Variants in LRP6 observed in about 807,000 individuals in gnomAD.
The protein encoded by LRP6 is low-density lipoprotein receptor-related protein 6.
LRP6 carries 43 observed loss-of-function variants against 184.1 expected under a neutral mutation model. The ratio of observed to expected loss-of-function variants is 0.23; its 90% CI spans 0.18 to 0.30. The LOEUF (loss-of-function observed/expected upper bound fraction) is 0.30. Ranked by LOEUF, LRP6 falls within the 10% of genes least tolerant of loss-of-function variation. The pLI, the probability that LRP6 is intolerant of heterozygous loss-of-function variation, is 1.00. For synonymous variants in LRP6, 719 were observed against 684.9 expected, an observed-to-expected ratio of 1.05 and a Z score of -0.78; for missense variants, 1,571 against 2,005.3, an observed-to-expected ratio of 0.78 and a Z score of 4.14.
chr12:12,197,487 A>C (rs532981048), intron 3 of LRP6, among the ~76,000 whole-genome samples: 29 of 152,348 alleles, frequency 1.9e-4, no homozygotes, highest in African/African-American at 7.0e-4. Flanking sequence ...GTCAGGAAAC[A>C]AACAAACACA....
intron 8 of LRP6, 81 bp downstream of exon 8, chr12:12,164,998 A>G (rs1412443731): frequency 9.5e-6 from 11 of 1,157,652 alleles, no homozygotes; most frequent in Non-Finnish European, 1.3e-5. Flanking sequence ...GCCTCAAAAC[A>G]TCAATAATTT....
intron 2 of LRP6, among the ~76,000 whole-genome samples, chr12:12,242,189 C>A (rs1458342568): frequency 6.6e-6 from 1 of 152,128 alleles, no homozygotes; most frequent in African/African-American, 2.4e-5. Context: ...TGTGCCCCTT[C>A]TAATTATTTT....
At position 12,165,263 on chromosome 12, in the gene LRP6, T is replaced by C. The variant is rs772884025; in HGVS notation, c.1578A>G (p.Val526=). Residue 526 remains valine (V), a synonymous_variant, in exon 8 of 23, where the codon GTA becomes GTG. Coordinates refer to ENST00000261349, the MANE Select transcript of LRP6 (RefSeq NM_002336.3). ...TGTGAGGAATTTTGTCTTCCACTAG[T>C]ACTCGTCTCCCAGTGCCATCAGTAT... is the stretch of plus-strand genomic sequence containing the variant. The part of the protein sequence containing the change: ...VMNTDGTGRR[V]LVEDKIPHIF... The C allele has an allele frequency of 6.2e-7, 1 of 1,613,874 alleles. No individual in the cohort carries two copies. The highest frequency in any genetic ancestry group is 8.5e-7 in the Non-Finnish European group (1 of 1,179,768).
intron 12 of LRP6, among the ~76,000 whole-genome samples, chr12:12,151,931 A>G (rs1389103642): frequency 1.3e-5 from 2 of 152,166 alleles, no homozygotes; most frequent in African/African-American, 4.8e-5. Context: ...TGCAGATACT[A>G]TTTTGTTGTT....
At chr12:12,238,314 G>C (rs568881445) in intron 2 of LRP6, among the ~76,000 whole-genome samples, 18 of 150,692 alleles carry the variant, frequency 1.2e-4, no homozygotes, top group African/African-American at 4.4e-4. Flanking sequence ...AATTAGAAAG[G>C]AACACATATC....
intron 4 of LRP6, 164 bp downstream of exon 4, chr12:12,186,759 A>G (rs1863486221): frequency 1.4e-6 from 1 of 690,208 alleles, no homozygotes; most frequent in Admixed American, 2.1e-5. Flanking sequence ...CCCGAGTTCA[A>G]GTGATTCTCT....
intron 2 of LRP6, among the ~76,000 whole-genome samples, chr12:12,224,353 T>C (rs1864562068): frequency 6.6e-6 from 1 of 151,752 alleles, no homozygotes; most frequent in South Asian, 2.1e-4. Context: ...ACTTCCACAG[T>C]CATCTTCAAT....
chr12:12,230,104 T>C (rs1186222941), intron 2 of LRP6, among the ~76,000 whole-genome samples: 2 of 152,176 alleles, frequency 1.3e-5, no homozygotes, highest in Non-Finnish European at 2.9e-5. Flanking sequence ...AATTTTTAAA[T>C]GGAGTGAAAG....
intron 17 of LRP6, 120 bp from the exon 18 acceptor site, chr12:12,132,177 A>T: frequency 1.4e-6 from 1 of 725,876 alleles, no homozygotes; most frequent in Non-Finnish European, 2.5e-6. Flanking sequence ...CTTTATAATA[A>T]ATATGATTTA....
chr12:12,173,012 A>C (rs1038323565), intron 7 of LRP6, among the ~76,000 whole-genome samples: 5 of 152,222 alleles, frequency 3.3e-5, no homozygotes, highest in African/African-American at 1.2e-4. Context: ...GTAGTTTTAT[A>C]ATATTTTTTG....
At chr12:12,206,337 T>C (rs1035977775) in intron 2 of LRP6, among the ~76,000 whole-genome samples, 1 of 151,008 alleles carries the variant, frequency 6.6e-6, no homozygotes, top group Non-Finnish European at 1.5e-5. Context: ...GGTCAGGAGA[T>C]TGAGACCATC....
At position 12,125,533 on chromosome 12, in the gene LRP6, T is replaced by C. The variant is rs12424332; in HGVS notation, c.4313-101A>G. On this transcript the variant is annotated intron_variant, in intron 20 of 22. Transcript: ENST00000261349. ...AGGATTACAAATATCAACAGTGAAG[T>C]AGTCTGATTTTAAAATAACTTACAC... 82,790 of 1,040,078 alleles carry C rather than the reference T, an allele frequency of 0.08. 4,001 individuals carry two copies. The highest frequency in any genetic ancestry group is 0.12 in the Admixed American group (6,092 of 49,352). 64.4% of individuals were successfully genotyped at this position (1,040,078 alleles called of 1,614,324 possible). A position where few individuals can be genotyped will look rare whatever the true frequency, so the allele number is the denominator to read the frequency against.
chr12:12,132,641 C>T (rs564453400), intron 17 of LRP6, among the ~76,000 whole-genome samples: 15 of 152,154 alleles, frequency 9.9e-5, no homozygotes, highest in Non-Finnish European at 2.1e-4. Flanking sequence ...GTACTATACA[C>T]AGCCACATGT....
At chr12:12,177,356 T>A (rs1408430027) in intron 7 of LRP6, among the ~76,000 whole-genome samples, 7 of 152,172 alleles carry the variant, frequency 4.6e-5, no homozygotes, top group Non-Finnish European at 1.0e-4. Flanking sequence ...AACAAAAGGC[T>A]AGCAAATACA....
chr12:12,260,127 C>G (rs1865574569), intron 1 of LRP6, among the ~76,000 whole-genome samples: 1 of 152,100 alleles, frequency 6.6e-6, no homozygotes, highest in Non-Finnish European at 1.5e-5. Flanking sequence ...GCCTGTAATC[C>G]CAGCACTTTG....
chr12:12,161,567 G>A (rs1470722185), intron 10 of LRP6, among the ~76,000 whole-genome samples: 3 of 152,082 alleles, frequency 2.0e-5, no homozygotes, highest in Non-Finnish European at 4.4e-5. Flanking sequence ...CACCACGCCC[G>A]GCCTGTTGAC....
intron 19 of LRP6, among the ~76,000 whole-genome samples, chr12:12,129,471 G>C (rs1475382384): frequency 2.6e-5 from 4 of 152,080 alleles, no homozygotes; most frequent in African/African-American, 9.7e-5. Context: ...TTCTGCTTTT[G>C]AACAGTATAT....
intron 3 of LRP6, among the ~76,000 whole-genome samples, chr12:12,200,794 T>G (rs1863894597): frequency 6.6e-6 from 1 of 152,198 alleles, no homozygotes. Context: ...CAGCACTTGC[T>G]CACCCTCCTG....
chr12:12,253,703 C>A (rs2135934468), intron 1 of LRP6, among the ~76,000 whole-genome samples: 1 of 151,912 alleles, frequency 6.6e-6, no homozygotes, highest in Admixed American at 6.6e-5. Context: ...AATAGGAGAT[C>A]TTTCACTTTT....
Sources: allele counts gnomAD v4.1 joint callset (sites outside exome capture counted in the v4.1 genomes callset), GRCh38; gene constraint gnomAD v4.1.1; transcripts MANE v1.5; gene names NCBI Gene and HGNC (gene_info 2026-07-23, HGNC 2026-07-21).